MAGI2: variants seen among roughly 807,000 people sequenced by gnomAD.
The protein encoded by MAGI2 is membrane-associated guanylate kinase, WW and PDZ domain-containing protein 2.
In MAGI2, 35 loss-of-function variants were observed where a neutral mutation model predicts 133.3. The ratio of observed to expected loss-of-function variants is 0.26; its 90% CI spans 0.20 to 0.35. MAGI2 has a LOEUF of 0.35. MAGI2 is among the 10% of genes least tolerant of loss of function. MAGI2 has a pLI of 1.00. For missense variants in MAGI2, 1,636 were observed against 1,863.4 expected (o/e 0.88, Z 2.25); for synonymous variants, 729 against 710.6 (o/e 1.03, Z -0.41).
chr7:78,805,860 G>A (rs776345183), intron 2 of MAGI2, among the ~76,000 whole-genome samples: 7 of 152,054 alleles, frequency 4.6e-5, no homozygotes, highest in East Asian at 1.9e-4. Context: ...CCTTGGAAGC[G>A]GATCTTGCAA....
At chr7:79,133,772 G>A (rs1043751731) in intron 1 of MAGI2, among the ~76,000 whole-genome samples, 1 of 152,040 alleles carries the variant, frequency 6.6e-6, no homozygotes, top group Non-Finnish European at 1.5e-5. Flanking sequence ...ACCCAAAATG[G>A]TGCATCTTCA....
At chr7:78,794,295 T>C (rs1787417408) in intron 2 of MAGI2, among the ~76,000 whole-genome samples, 1 of 152,160 alleles carries the variant, frequency 6.6e-6, no homozygotes, top group African/African-American at 2.4e-5. Context: ...ATCCCATGAA[T>C]TCCCAGGAGC....
rs376862436 is a variant in MAGI2 at position 78,177,975 on chromosome 7, A to C, written c.2403+36T>G. 16 of 1,428,764 alleles carry C rather than the reference A, an allele frequency of 1.1e-5. No homozygotes were observed. In the Admixed American group the frequency reaches 1.7e-4, roughly 15 times the overall value. 88.5% of individuals were successfully genotyped at this position (1,428,764 alleles called of 1,614,324 possible). On this transcript the variant is annotated intron_variant, in intron 14 of 21. Coordinates refer to ENST00000354212, the MANE Select transcript of MAGI2 (RefSeq NM_012301.4). ...TCCCTGGTGTTTACTCATACAATAC[A>C]GCCCCAAGCATGGAAATAAAGAAGA... is the stretch of plus-strand genomic sequence containing the variant.
At chr7:79,356,384 C>A (rs751234948) in intron 1 of MAGI2, among the ~76,000 whole-genome samples, 46 of 152,058 alleles carry the variant, frequency 3.0e-4, no homozygotes, top group Non-Finnish European at 5.4e-4. Context: ...GGACATGCAT[C>A]TATATTCAGT....
intron 9 of MAGI2, among the ~76,000 whole-genome samples, chr7:78,316,772 A>G (rs576053858): frequency 5.1e-4 from 78 of 152,352 alleles, no homozygotes; most frequent in African/African-American, 1.9e-3. Context: ...CCCTAGAGTG[A>G]GTAAATACTG....
At chr7:78,931,500 A>G (rs1361795213) in intron 2 of MAGI2, among the ~76,000 whole-genome samples, 2 of 152,132 alleles carry the variant, frequency 1.3e-5, no homozygotes, top group Non-Finnish European at 2.9e-5. Context: ...CTCTGAATTC[A>G]GATGCCAGAG....
chr7:78,493,362 C>T (rs1220567650), intron 5 of MAGI2, among the ~76,000 whole-genome samples: 1 of 152,202 alleles, frequency 6.6e-6, no homozygotes, highest in Admixed American at 6.6e-5. Context: ...ATTTACAGTG[C>T]AGCACACCAT....
chr7:79,331,571 A>G (rs1840073592), intron 1 of MAGI2, among the ~76,000 whole-genome samples: 1 of 152,180 alleles, frequency 6.6e-6, no homozygotes, highest in Non-Finnish European at 1.5e-5. Flanking sequence ...CAGAAAGACC[A>G]AAATGTTTGC....
intron 6 of MAGI2, among the ~76,000 whole-genome samples, chr7:78,448,501 A>C (rs1362076983): frequency 6.6e-6 from 1 of 152,100 alleles, no homozygotes. Flanking sequence ...TCTGAGCAAG[A>C]AGTTACTAAA....
At position 78,201,189 on chromosome 7, in the gene MAGI2, G is replaced by A; in HGVS notation, c.2052C>T (p.Phe684=). The change falls in exon 11 of 22, where the codon TTC becomes TTT. Residue 684 remains phenylalanine, a synonymous_variant. Transcript: ENST00000354212. ...GCTTTGGAGTTTTCCATGGAGAAAA[G>A]AAACCTGTAATAAAGAAAACAATAT... ...ETSLIIHRGG[F]FSPWKTPKPI... 1 of 1,478,616 alleles carries A rather than the reference G, an allele frequency of 6.8e-7. No homozygotes were observed. 91.6% of individuals were successfully genotyped at this position (1,478,616 alleles called of 1,614,324 possible).
At chr7:78,376,046 CT>C (rs67384720) in intron 6 of MAGI2, among the ~76,000 whole-genome samples, 123,914 of 151,660 alleles carry the variant, frequency 0.82, 50,733 homozygotes, top group Admixed American at 0.85. Flanking sequence ...TGAATATATT[CT>C]TTTTTTTTAA....
intron 4 of MAGI2, among the ~76,000 whole-genome samples, chr7:78,508,462 T>C (rs954584685): frequency 4.6e-5 from 7 of 152,256 alleles, no homozygotes; most frequent in Middle Eastern, 3.2e-3. Context: ...CTTTCTTCTG[T>C]ATCGGCTTAA....
At chr7:78,606,550 G>A (rs888817128) in intron 3 of MAGI2, among the ~76,000 whole-genome samples, 3 of 152,066 alleles carry the variant, frequency 2.0e-5, no homozygotes, top group African/African-American at 7.2e-5. Context: ...TTTCTTACAT[G>A]TTTTTCCTTG....
chr7:78,548,690 C>T (rs562264494), intron 3 of MAGI2, among the ~76,000 whole-genome samples: 77 of 152,140 alleles, frequency 5.1e-4, no homozygotes, highest in Non-Finnish European at 9.0e-4. Context: ...AGTGAAACTC[C>T]GTCTCAAAAC....
At chr7:78,099,759 T>C (rs1818036941) in intron 20 of MAGI2, among the ~76,000 whole-genome samples, 1 of 152,232 alleles carries the variant, frequency 6.6e-6, no homozygotes, top group Admixed American at 6.5e-5. Context: ...TTCCAATGCA[T>C]TTCTATTTTC....
At chr7:78,062,696 C>A (rs975973567) in intron 21 of MAGI2, among the ~76,000 whole-genome samples, 2 of 152,194 alleles carry the variant, frequency 1.3e-5, no homozygotes. Context: ...ACTTATGGCT[C>A]CAAGTCCTTT....
intron 21 of MAGI2, among the ~76,000 whole-genome samples, chr7:78,062,734 A>G (rs1813413744): frequency 6.6e-6 from 1 of 152,184 alleles, no homozygotes; most frequent in Admixed American, 6.5e-5. Flanking sequence ...CTCCGGCTCC[A>G]GCTCCTGAGT....
At chr7:79,047,314 A>T (rs1025948998) in intron 1 of MAGI2, among the ~76,000 whole-genome samples, 3 of 152,150 alleles carry the variant, frequency 2.0e-5, no homozygotes, top group African/African-American at 7.2e-5. Flanking sequence ...ATAATGTGCT[A>T]AATTACTCTT....
chr7:78,500,767 A>G (rs1794549269), intron 5 of MAGI2, among the ~76,000 whole-genome samples: 1 of 152,160 alleles, frequency 6.6e-6, no homozygotes, highest in Admixed American at 6.5e-5. Flanking sequence ...TATTTTACTG[A>G]CATCTGACAC....
Sources: gnomAD v4.1 joint callset for allele counts (sites outside exome capture counted in the v4.1 genomes callset) on GRCh38, gnomAD v4.1.1 for gene constraint, MANE v1.5 for transcripts, NCBI Gene and HGNC (gene_info 2026-07-23, HGNC 2026-07-21) for gene names.